MIS18A: variants seen among roughly 807,000 people sequenced by gnomAD.
MIS18A encodes the protein MIS18 kinetochore protein A, also known as protein Mis18-alpha.
A neutral mutation model predicts 25.0 loss-of-function variants in MIS18A; 14 were observed. The ratio of observed to expected loss-of-function variants is 0.56; its 90% CI spans 0.37 to 0.88. The LOEUF (loss-of-function observed/expected upper bound fraction) is 0.88, where lower values mean the gene tolerates loss of function less well. Ranked by LOEUF, MIS18A falls within the 40% of genes least tolerant of loss-of-function variation. The pLI is 0.00. For synonymous variants in MIS18A, 134 were observed against 118.6 expected, an observed-to-expected ratio of 1.13 and a Z score of -0.84; for missense variants, 292 against 290.8, an observed-to-expected ratio of 1.00 and a Z score of -0.03.
At chr21:32,195,171 C>G in the MIS18A span, among the ~76,000 whole-genome samples, 5 of 152,224 alleles carry the variant, frequency 3.3e-5, no homozygotes, top group African/African-American at 7.2e-5. Flanking sequence ...CAGGCCTCAT[C>G]ATGACTGTAC....
chr21:32,269,709 G>C lies in MIS18A; in HGVS notation c.619C>G (p.Gln207Glu). Reference protein sequence around the residue: ...SRVEIEKSLTQMEDVLKALQM... With the variant: ...SRVEIEKSLTEMEDVLKALQM... ...TAAAATGTACAGAATAAAATTACCT[G>C]TGTTAGAGACTTTTCTATTTCAACT... The change falls in exon 4 of 5, where the codon CAG (glutamine) becomes GAG (glutamate). Residue 207 changes from glutamine to glutamate, a missense_variant and splice_region_variant. By Grantham distance (29) the Gln-to-Glu change is conservative. Coordinates refer to ENST00000290130, the MANE Select transcript of MIS18A (RefSeq NM_018944.3). The C allele has an allele frequency of 4.5e-6, 7 of 1,545,322 alleles. No homozygotes were observed. The highest frequency in any genetic ancestry group is 6.3e-6 in the Non-Finnish European group (7 of 1,117,614).
the MIS18A span, among the ~76,000 whole-genome samples, chr21:32,221,961 T>C: frequency 6.6e-6 from 1 of 151,960 alleles, no homozygotes; most frequent in Non-Finnish European, 1.5e-5. Context: ...TAAATGTAAA[T>C]GGGCTAAACG....
At chr21:32,200,435 CTT>C in the MIS18A span, among the ~76,000 whole-genome samples, 1,960 of 136,964 alleles carry the variant, frequency 0.014, 28 homozygotes, top group African/African-American at 0.049. Context: ...AAGGCTTTTT[CTT>C]TTTTTTTTTT....
At chr21:32,254,085 G>C in the MIS18A span, among the ~76,000 whole-genome samples, 1 of 152,032 alleles carries the variant, frequency 6.6e-6, no homozygotes, top group African/African-American at 2.4e-5. Context: ...AAATACAATA[G>C]CCGAGTGTGG....
At chr21:32,205,671 A>G in the MIS18A span, among the ~76,000 whole-genome samples, 1 of 152,156 alleles carries the variant, frequency 6.6e-6, no homozygotes, top group African/African-American at 2.4e-5. Context: ...AAATCTCCAG[A>G]TCTACCTAAT....
the MIS18A span, among the ~76,000 whole-genome samples, chr21:32,255,429 C>T: frequency 6.6e-6 from 1 of 151,618 alleles, no homozygotes; most frequent in African/African-American, 2.4e-5. Flanking sequence ...GATGCGGTTT[C>T]CCCATGTTGC....
chr21:32,261,727 T>C, the MIS18A span: 3 of 151,826 alleles, frequency 2.0e-5, no homozygotes, highest in Non-Finnish European at 4.4e-5. Context: ...CGCAATAAAG[T>C]AAAATAAATG....
At chr21:32,252,378 G>A in the MIS18A span, among the ~76,000 whole-genome samples, 2 of 142,452 alleles carry the variant, frequency 1.4e-5, no homozygotes, top group South Asian at 4.6e-4. Context: ...GGAGGGGAGA[G>A]GAAGAGAGAA....
chr21:32,231,038 C>T, the MIS18A span, among the ~76,000 whole-genome samples: 5 of 151,786 alleles, frequency 3.3e-5, no homozygotes, highest in African/African-American at 1.2e-4. Flanking sequence ...AGTTCGAGAC[C>T]AGCCTGGCCA....
At chr21:32,204,052 C>G in the MIS18A span, among the ~76,000 whole-genome samples, 1 of 152,292 alleles carries the variant, frequency 6.6e-6, no homozygotes, top group African/African-American at 2.4e-5. Flanking sequence ...AGGACAAGAA[C>G]AACTAGTCCA....
At chr21:32,265,425 G>GCAGC (rs1164622095), downstream of MIS18A, among the ~76,000 whole-genome samples, 7 of 152,348 alleles carry the variant, frequency 4.6e-5, no homozygotes, top group East Asian at 1.4e-3. Flanking sequence ...CGCACTTGGA[G>GCAGC]CAGCCAGCCA....
downstream of MIS18A, among the ~76,000 whole-genome samples, chr21:32,266,095 G>A (rs1172795325): frequency 3.3e-5 from 5 of 150,930 alleles, 1 homozygote; most frequent in South Asian, 4.2e-4. Context: ...TACACCAATC[G>A]GCACTCTGTA....
At chr21:32,188,003 G>GTCTCTC in the MIS18A span, among the ~76,000 whole-genome samples, 22,478 of 149,848 alleles carry the variant, frequency 0.15, 1,734 homozygotes, top group East Asian at 0.25. Context: ...CTCCCTTTCT[G>GTCTCTC]TCTCTCTCTC....
the MIS18A span, among the ~76,000 whole-genome samples, chr21:32,215,125 G>A: frequency 6.6e-6 from 1 of 152,186 alleles, no homozygotes; most frequent in African/African-American, 2.4e-5. Flanking sequence ...GAGAGTGCTT[G>A]GCTGTTCTGA....
chr21:32,274,808 A>G (rs1338660942), intron 2 of MIS18A, 22 bp downstream of exon 2: 6 of 1,574,080 alleles, frequency 3.8e-6, no homozygotes, highest in African/African-American at 2.7e-5. Context: ...TAACATATTC[A>G]TATAAATACA....
the MIS18A span, among the ~76,000 whole-genome samples, chr21:32,176,215 T>C: frequency 6.6e-6 from 1 of 152,360 alleles, no homozygotes; most frequent in Middle Eastern, 3.4e-3. Flanking sequence ...TTGTTTATTA[T>C]CATTATCGAG....
Position 32,268,933 on chromosome 21 carries a change from T to A in MIS18A, c.*104A>T. 2.2e-6 allele frequency: 2 copies of A among 903,400 alleles called. No individual in the cohort carries two copies. Among genetic ancestry groups the A allele is most frequent in the Non-Finnish European group, 3.3e-6 (2 of 597,460 alleles). The allele number at this position is 903,400 out of a possible 1,614,324, so 56.0% of individuals were successfully genotyped here. A position where few individuals can be genotyped will look rare whatever the true frequency, so the allele number is the denominator to read the frequency against. On this transcript the variant is annotated 3_prime_UTR_variant, in exon 5 of 5. Transcript: ENST00000290130. ...AGCGTTTCGCATGCCTGGCTAATTT[T>A]TTTTTTCTTTTTTTTTTTGTAGAGA... is the stretch of plus-strand genomic sequence containing the variant.
At chr21:32,159,014 T>C in the MIS18A span, among the ~76,000 whole-genome samples, 1 of 152,216 alleles carries the variant, frequency 6.6e-6, no homozygotes, top group African/African-American at 2.4e-5. Context: ...AAATACCTCC[T>C]TATATCTTTA....
At chr21:32,256,172 C>T in the MIS18A span, among the ~76,000 whole-genome samples, 1 of 152,138 alleles carries the variant, frequency 6.6e-6, no homozygotes, top group East Asian at 1.9e-4. Context: ...GCTGCTCAAA[C>T]CTAAAGAGAA....
Sources: allele counts gnomAD v4.1 joint callset (sites outside exome capture counted in the v4.1 genomes callset), GRCh38; gene constraint gnomAD v4.1.1; transcripts MANE v1.5; gene names NCBI Gene and HGNC (gene_info 2026-07-23, HGNC 2026-07-21).